Variants in SCN1A observed in about 807,000 individuals in gnomAD.
SCN1A encodes the protein sodium channel protein type 1 subunit alpha.
SCN1A carries 13 observed loss-of-function variants against 193.7 expected under a neutral mutation model. That is an observed-to-expected ratio of 0.07 (90% CI 0.04 to 0.11). SCN1A has a LOEUF of 0.11. SCN1A is among the 10% of genes least tolerant of loss of function. SCN1A has a pLI of 1.00. For missense variants in SCN1A, 1,432 were observed against 2,451.1 expected (o/e 0.58, Z 8.78); for synonymous variants, 781 against 843.6 (o/e 0.93, Z 1.29).
chr2:166,061,472 T>C (rs996811792), intron 4 of SCN1A, among the ~76,000 whole-genome samples: 1 of 151,996 alleles, frequency 6.6e-6, no homozygotes, highest in Non-Finnish European at 1.5e-5. Flanking sequence ...TACAACTAGA[T>C]AGGAGGAACA....
chr2:166,026,167 T>C (rs1474018250), intron 19 of SCN1A, among the ~76,000 whole-genome samples: 1 of 152,144 alleles, frequency 6.6e-6, no homozygotes, highest in Admixed American at 6.5e-5. Flanking sequence ...ATATGTTTTT[T>C]GAGATAATAT....
At chr2:166,054,255 T>C (rs1698897975) in intron 7 of SCN1A, among the ~76,000 whole-genome samples, 1 of 151,996 alleles carries the variant, frequency 6.6e-6, no homozygotes, top group Non-Finnish European at 1.5e-5. Context: ...CATTGCAAAT[T>C]TGTGTAGCCA....
At chr2:166,080,340 C>T (rs1454031835) in intron 2 of SCN1A, among the ~76,000 whole-genome samples, 3 of 151,708 alleles carry the variant, frequency 2.0e-5, no homozygotes, top group African/African-American at 7.2e-5. Context: ...AGAGGTAAGA[C>T]AATGAAACTT....
intron 18 of SCN1A, among the ~76,000 whole-genome samples, chr2:166,037,325 C>T (rs949736167): frequency 1.3e-5 from 2 of 152,164 alleles, no homozygotes; most frequent in Non-Finnish European, 2.9e-5. Context: ...GCATTATGAA[C>T]TCTTAAAGAC....
intron 1 of SCN1A, among the ~76,000 whole-genome samples, chr2:166,147,123 C>T (rs1017482751): frequency 3.9e-5 from 6 of 152,060 alleles, no homozygotes; most frequent in Admixed American, 2.6e-4. Context: ...TCATGAGGCC[C>T]GAAAACATGC....
upstream of SCN1A, among the ~76,000 whole-genome samples, chr2:166,130,880 G>T (rs765538047): frequency 1.5e-4 from 23 of 152,208 alleles, 1 homozygote; most frequent in Middle Eastern, 0.024. Context: ...TATTAAATTA[G>T]TGTAATATGC....
intron 4 of SCN1A, among the ~76,000 whole-genome samples, chr2:166,059,745 T>C (rs1386227454): frequency 6.6e-6 from 1 of 152,200 alleles, no homozygotes; most frequent in African/African-American, 2.4e-5. Flanking sequence ...AGCATAAATG[T>C]TATGTTTATT....
chr2:166,120,596 C>CTTTTTTTTTTTTTTTTTT (rs57044851), intron 2 of SCN1A, among the ~76,000 whole-genome samples: 2 of 72,484 alleles, frequency 2.8e-5, no homozygotes, highest in Admixed American at 2.3e-4. Context: ...TTTCTTTTCT[C>CTTTTTTTTTTTTTTTTTT]TTTTTTTTTT....
At chr2:166,019,950 G>A (rs1026083873) in intron 19 of SCN1A, among the ~76,000 whole-genome samples, 40 of 141,974 alleles carry the variant, frequency 2.8e-4, no homozygotes, top group Non-Finnish European at 5.7e-4. Flanking sequence ...TCGCTCTGTC[G>A]TCCACGCTGG....
At chr2:166,102,221 G>A (rs560185293) in intron 2 of SCN1A, among the ~76,000 whole-genome samples, 1 of 152,330 alleles carries the variant, frequency 6.6e-6, no homozygotes, top group East Asian at 1.9e-4. Context: ...CATGGGCGGG[G>A]CGCGGTGACT....
At chr2:166,090,056 T>C (rs1686622929) in intron 2 of SCN1A, among the ~76,000 whole-genome samples, 1 of 139,582 alleles carries the variant, frequency 7.2e-6, no homozygotes, top group Non-Finnish European at 1.5e-5. Context: ...TTTTTTTTTT[T>C]TGATATAGGG....
At chr2:166,131,544 A>T (rs187731786), upstream of SCN1A, among the ~76,000 whole-genome samples, 1 of 152,328 alleles carries the variant, frequency 6.6e-6, no homozygotes, top group Admixed American at 6.5e-5. Flanking sequence ...GAGGTCACTC[A>T]GGTGGAAAAA....
At chr2:166,054,852 G>C in intron 6 of SCN1A, 86 bp from the exon 7 acceptor site, 1 of 1,226,044 alleles carries the variant, frequency 8.2e-7, no homozygotes, top group East Asian at 2.4e-5. Context: ...CAGTGGAATA[G>C]ATAAATACTA....
At chr2:166,145,433 A>G (rs1053930674) in intron 1 of SCN1A, among the ~76,000 whole-genome samples, 4 of 152,154 alleles carry the variant, frequency 2.6e-5, no homozygotes, top group Non-Finnish European at 5.9e-5. Flanking sequence ...TATATCTTAT[A>G]TTAGGTTCCT....
intron 9 of SCN1A, 64 bp downstream of exon 9, chr2:166,051,655 T>A: frequency 7.7e-7 from 1 of 1,294,636 alleles, no homozygotes; most frequent in Non-Finnish European, 1.1e-6. Flanking sequence ...CAAGTATTTA[T>A]CCTTTGTGTT....
upstream of SCN1A, among the ~76,000 whole-genome samples, chr2:166,131,336 GA>G (rs1218231071): frequency 2.0e-5 from 3 of 152,116 alleles, no homozygotes; most frequent in African/African-American, 7.2e-5. Context: ...TCCTAACAAG[GA>G]AAAGAGAATG....
At chr2:166,015,771 G>A in intron 19 of SCN1A, 44 bp from the exon 20 acceptor site, 3 of 1,609,538 alleles carry the variant, frequency 1.9e-6, no homozygotes, top group Non-Finnish European at 2.6e-6. Context: ...TTTAATTTTG[G>A]TAATAAGTTG....
At chr2:166,142,726 G>T (rs150969853) in intron 1 of SCN1A, among the ~76,000 whole-genome samples, 3 of 152,122 alleles carry the variant, frequency 2.0e-5, no homozygotes, top group African/African-American at 7.2e-5. Context: ...ATATGGTTTG[G>T]CCGTGTCCCC....
intron 23 of SCN1A, among the ~76,000 whole-genome samples, chr2:166,005,035 G>T (rs566077534): frequency 6.6e-6 from 1 of 151,364 alleles, no homozygotes; most frequent in Non-Finnish European, 1.5e-5. Flanking sequence ...CCTATAAATA[G>T]CATTTAGTGC....
Sources: gnomAD v4.1 joint callset for allele counts (sites outside exome capture counted in the v4.1 genomes callset) on GRCh38, gnomAD v4.1.1 for gene constraint, MANE v1.5 for transcripts, NCBI Gene and HGNC (gene_info 2026-07-23, HGNC 2026-07-21) for gene names.